Variants in ZFAND3 observed in about 807,000 individuals in gnomAD.
ZFAND3 encodes zinc finger AN1-type containing 3, also known as AN1-type zinc finger protein 3.
ZFAND3 carries 10 observed loss-of-function variants against 29.6 expected under a neutral mutation model. The observed-to-expected ratio is 0.34, with a 90% CI of 0.21 to 0.57. The LOEUF (loss-of-function observed/expected upper bound fraction) is 0.57. ZFAND3 is among the 20% of genes least tolerant of loss of function. The pLI is 0.86. For missense variants in ZFAND3, 230 were observed against 304.5 expected, an observed-to-expected ratio of 0.76 and a Z score of 1.82; for synonymous variants, 128 against 112.6, an observed-to-expected ratio of 1.14 and a Z score of -0.87.
intron 2 of ZFAND3, among the ~76,000 whole-genome samples, chr6:38,058,438 G>A (rs562452484): frequency 2.6e-5 from 4 of 152,298 alleles, no homozygotes; most frequent in African/African-American, 9.6e-5. Flanking sequence ...GTTTCTTGAA[G>A]GTGCTATACA....
At chr6:38,047,320 A>G (rs1428679409) in intron 2 of ZFAND3, among the ~76,000 whole-genome samples, 1 of 150,602 alleles carries the variant, frequency 6.6e-6, no homozygotes, top group Non-Finnish European at 1.5e-5. Flanking sequence ...GTCTCAAAAA[A>G]AAAAAAAAGA....
chr6:37,951,056 A>C (rs954640348), intron 2 of ZFAND3, among the ~76,000 whole-genome samples: 2 of 152,008 alleles, frequency 1.3e-5, no homozygotes, highest in African/African-American at 4.8e-5. Context: ...GCAGTGTTTT[A>C]TAATTCTTGT....
intron 2 of ZFAND3, among the ~76,000 whole-genome samples, chr6:38,053,170 G>A (rs1476253957): frequency 6.6e-6 from 1 of 152,166 alleles, no homozygotes; most frequent in Non-Finnish European, 1.5e-5. Flanking sequence ...ATCAAATGTG[G>A]CTGAAGAAAT....
intron 2 of ZFAND3, among the ~76,000 whole-genome samples, chr6:37,984,507 C>A (rs777568951): frequency 2.0e-5 from 3 of 152,202 alleles, no homozygotes; most frequent in Non-Finnish European, 2.9e-5. Context: ...ACAACAGTCA[C>A]TCCCTTGTGA....
At chr6:37,912,030 CTG>C (rs59017250) in intron 1 of ZFAND3, among the ~76,000 whole-genome samples, 12,012 of 139,668 alleles carry the variant, frequency 0.086, 619 homozygotes, top group East Asian at 0.28. Context: ...AGTCTTTTAT[CTG>C]TGTGTGTGTG....
intron 2 of ZFAND3, among the ~76,000 whole-genome samples, chr6:38,047,250 G>C (rs1348798198): frequency 2.6e-5 from 4 of 151,610 alleles, no homozygotes; most frequent in Non-Finnish European, 4.4e-5. Context: ...AGGCGGCGGA[G>C]GTTGCAGTGA....
At chr6:37,934,925 T>C (rs1482670975) in intron 2 of ZFAND3, among the ~76,000 whole-genome samples, 1 of 152,084 alleles carries the variant, frequency 6.6e-6, no homozygotes, top group East Asian at 1.9e-4. Context: ...CTATTTGTTA[T>C]TTTTCTACCT....
At chr6:38,144,065 G>A (rs1168488538) in intron 5 of ZFAND3, among the ~76,000 whole-genome samples, 2 of 150,942 alleles carry the variant, frequency 1.3e-5, no homozygotes, top group African/African-American at 4.9e-5. Flanking sequence ...TTTACAACAA[G>A]CTTCCTTGTA....
intron 1 of ZFAND3, among the ~76,000 whole-genome samples, chr6:37,852,159 A>C (rs1483960495): frequency 6.6e-6 from 1 of 152,154 alleles, no homozygotes; most frequent in East Asian, 1.9e-4. Flanking sequence ...AAATCAGTTT[A>C]TTTATCTCAT....
chr6:38,117,038 C>T (rs1308294398), intron 5 of ZFAND3, among the ~76,000 whole-genome samples: 2 of 152,138 alleles, frequency 1.3e-5, no homozygotes, highest in Non-Finnish European at 2.9e-5. Context: ...CCACTTACTA[C>T]TCTGGTTTCT....
intron 1 of ZFAND3, among the ~76,000 whole-genome samples, chr6:37,852,706 CTT>C (rs1764303298): frequency 1.3e-5 from 2 of 150,056 alleles, no homozygotes; most frequent in African/African-American, 4.9e-5. Context: ...TGTGTATTTC[CTT>C]TTTCTTTTCT....
At chr6:37,922,089 A>G (rs1169082736) in intron 1 of ZFAND3, among the ~76,000 whole-genome samples, 1 of 152,134 alleles carries the variant, frequency 6.6e-6, no homozygotes, top group African/African-American at 2.4e-5. Flanking sequence ...AATATAAAAT[A>G]AAATAAAATA....
chr6:37,864,738 TACACACACAC>T (rs70977698), intron 1 of ZFAND3, among the ~76,000 whole-genome samples: 152 of 148,976 alleles, frequency 1.0e-3, no homozygotes, highest in African/African-American at 2.8e-3. Context: ...TATGTGGTTA[TACACACACAC>T]ACACACACAC....
At chr6:38,048,907 A>C (rs185450819) in intron 2 of ZFAND3, among the ~76,000 whole-genome samples, 1 of 152,300 alleles carries the variant, frequency 6.6e-6, no homozygotes, top group East Asian at 1.9e-4. Flanking sequence ...TCAATAATGC[A>C]GTTTTCAAAA....
intron 1 of ZFAND3, among the ~76,000 whole-genome samples, chr6:37,890,473 C>T (rs1365320801): frequency 6.6e-6 from 1 of 152,142 alleles, no homozygotes; most frequent in African/African-American, 2.4e-5. Flanking sequence ...CGAAGAAGCC[C>T]TTTATTTCTT....
chr6:37,938,597 A>G (rs1042669177), intron 2 of ZFAND3, among the ~76,000 whole-genome samples: 6 of 152,188 alleles, frequency 3.9e-5, no homozygotes, highest in African/African-American at 1.2e-4. Context: ...CTGAAATGCA[A>G]GCAAGACTCG....
intron 2 of ZFAND3, among the ~76,000 whole-genome samples, chr6:37,972,323 C>A (rs1341638892): frequency 6.6e-6 from 1 of 152,212 alleles, no homozygotes; most frequent in Non-Finnish European, 1.5e-5. Flanking sequence ...CCAACCCAGT[C>A]TTTCTATTTT....
At chr6:38,113,490 A>G (rs1398578538) in intron 4 of ZFAND3, among the ~76,000 whole-genome samples, 2 of 152,208 alleles carry the variant, frequency 1.3e-5, no homozygotes, top group Non-Finnish European at 2.9e-5. Flanking sequence ...GCATGGGATC[A>G]TGTAGACATT....
At chr6:38,078,765 C>CT in intron 3 of ZFAND3, among the ~76,000 whole-genome samples, 1 of 152,298 alleles carries the variant, frequency 6.6e-6, no homozygotes, top group African/African-American at 2.4e-5. Flanking sequence ...AACCCACAAT[C>CT]ATGAAGAGGC....
Sources: allele counts gnomAD v4.1 joint callset (sites outside exome capture counted in the v4.1 genomes callset), GRCh38; gene constraint gnomAD v4.1.1; transcripts MANE v1.5; gene names NCBI Gene and HGNC (gene_info 2026-07-23, HGNC 2026-07-21).